The following IQCJ variants were observed in gnomAD, a reference collection of about 807,000 sequenced individuals.
The protein encoded by IQCJ is IQ domain-containing protein J.
A neutral mutation model predicts 11.0 loss-of-function variants in IQCJ; 9 were observed. The observed-to-expected ratio is 0.82, with a 90% confidence interval of 0.49 to 1.43. The LOEUF (loss-of-function observed/expected upper bound fraction) is 1.43. Among genes scored for constraint, IQCJ ranks in the 40% most tolerant of loss-of-function variants. IQCJ has a pLI of 0.00. For missense variants in IQCJ, 146 were observed against 133.2 expected (o/e 1.10, Z -0.47); for synonymous variants, 55 against 51.3 (o/e 1.07, Z -0.31).
At chr3:159,125,266 C>A (rs904131566) in intron 1 of IQCJ, among the ~76,000 whole-genome samples, 3 of 152,090 alleles carry the variant, frequency 2.0e-5, no homozygotes, top group Non-Finnish European at 4.4e-5. Flanking sequence ...TACAAAATAC[C>A]TGACCAGCAC....
intron 1 of IQCJ, among the ~76,000 whole-genome samples, chr3:159,104,673 A>T (rs989671284): frequency 1.3e-5 from 2 of 152,160 alleles, no homozygotes; most frequent in African/African-American, 4.8e-5. Context: ...TAGCCATGGA[A>T]TGTCTTCTCT....
intron 1 of IQCJ, among the ~76,000 whole-genome samples, chr3:159,085,464 C>G (rs1716680178): frequency 6.6e-6 from 1 of 151,674 alleles, no homozygotes; most frequent in African/African-American, 2.4e-5. Flanking sequence ...AATGGTATTT[C>G]TAGTTCTAGA....
At chr3:159,161,870 G>C (rs1411498132) in intron 1 of IQCJ, among the ~76,000 whole-genome samples, 1 of 152,154 alleles carries the variant, frequency 6.6e-6, no homozygotes, top group African/African-American at 2.4e-5. Context: ...TGAGGGCTCT[G>C]TTCTGTTCCA....
Position 159,096,178 on chromosome 3 carries a change from T to C in IQCJ, c.9+26737T>C, listed in dbSNP as rs1247535423. On this transcript the variant is annotated intron_variant, in intron 1 of 3. Coordinates refer to ENST00000397832, the MANE Select transcript of IQCJ (RefSeq NM_001042706.3). ...TAAATGTCTTCTTTTGAGAAGTGTCTGTTCATGTCCTTCGCCCACTTTTTG... is the reference window on the plus strand; with the variant it reads ...TAAATGTCTTCTTTTGAGAAGTGTCCGTTCATGTCCTTCGCCCACTTTTTG... Among the ~76,000 whole-genome samples, 66 of 110,078 alleles carry C rather than the reference T, an allele frequency of 6.0e-4. 2 individuals carry two copies. Among genetic ancestry groups the C allele is most frequent in the African/African-American group, 2.5e-3 (65 of 26,118 alleles). The allele number at this position is 110,078 out of a possible 152,430, so 72.2% of individuals were successfully genotyped here. A position where few individuals can be genotyped will look rare whatever the true frequency, so the allele number is the denominator to read the frequency against.
At chr3:159,137,881 G>A (rs1559999237) in intron 1 of IQCJ, among the ~76,000 whole-genome samples, 1 of 152,062 alleles carries the variant, frequency 6.6e-6, no homozygotes, top group Non-Finnish European at 1.5e-5. Context: ...AAAATAAATA[G>A]GAAAGGGATT....
At chr3:159,121,182 G>A (rs1289940636) in intron 1 of IQCJ, among the ~76,000 whole-genome samples, 1 of 149,788 alleles carries the variant, frequency 6.7e-6, no homozygotes, top group African/African-American at 2.5e-5. Context: ...TGCCCAGGCT[G>A]AAGTTCAGTG....
intron 1 of IQCJ, among the ~76,000 whole-genome samples, chr3:159,194,968 T>G (rs114971936): frequency 0.099 from 15,024 of 151,934 alleles, 2,494 homozygotes; most frequent in African/African-American, 0.35. Flanking sequence ...AAAATTAGCC[T>G]GGTGTGGTGG....
At chr3:159,080,194 G>A (rs2108056470) in intron 1 of IQCJ, among the ~76,000 whole-genome samples, 1 of 152,220 alleles carries the variant, frequency 6.6e-6, no homozygotes, top group Non-Finnish European at 1.5e-5. Context: ...TGGTAATCAT[G>A]ATCAGTAGAA....
chr3:159,186,521 G>A (rs984421399), intron 1 of IQCJ, among the ~76,000 whole-genome samples: 4 of 152,100 alleles, frequency 2.6e-5, no homozygotes, highest in Non-Finnish European at 4.4e-5. Context: ...TTATGCATCT[G>A]TTATTCAGAA....
chr3:159,131,336 T>C (rs894021326), intron 1 of IQCJ, among the ~76,000 whole-genome samples: 95 of 151,028 alleles, frequency 6.3e-4, no homozygotes, highest in African/African-American at 2.3e-3. Flanking sequence ...CCTCTCTACT[T>C]TTCTCCTTTT....
chr3:159,173,365 G>A (rs1722602668), intron 1 of IQCJ, among the ~76,000 whole-genome samples: 1 of 152,158 alleles, frequency 6.6e-6, no homozygotes, highest in Admixed American at 6.5e-5. Context: ...TATCTTCAAA[G>A]TGTTTTCTGT....
rs56371472 is a variant in IQCJ, at chr3:159,182,644, G to C, written c.10-63199G>C. On this transcript the variant is annotated intron_variant, in intron 1 of 3. Coordinates refer to ENST00000397832, the MANE Select transcript of IQCJ (RefSeq NM_001042706.3). ...TCGTGATCGATTGAGCAAGCAGGGGGTACGTGACTGGGGGCTGCATGCACC... is the reference window on the plus strand; with the variant it reads ...TCGTGATCGATTGAGCAAGCAGGGGCTACGTGACTGGGGGCTGCATGCACC... Among the ~76,000 whole-genome samples, 1,457 of 152,020 alleles carry C rather than the reference G, an allele frequency of 9.6e-3. 42 individuals are homozygous for C. The highest frequency in any genetic ancestry group is 0.034 in the African/African-American group (1,415 of 41,300).
chr3:159,137,973 C>A (rs558073777), intron 1 of IQCJ, among the ~76,000 whole-genome samples: 1 of 152,130 alleles, frequency 6.6e-6, no homozygotes, highest in Non-Finnish European at 1.5e-5. Flanking sequence ...ATGCAAATTA[C>A]AATGCTTACA....
At chr3:159,150,184 GGAAA>G (rs1237135325) in intron 1 of IQCJ, among the ~76,000 whole-genome samples, 1 of 152,140 alleles carries the variant, frequency 6.6e-6, no homozygotes. Flanking sequence ...GTAGTCTCTT[GGAAA>G]GTGATTCCAG....
chr3:159,113,613 A>C (rs1380285121), intron 1 of IQCJ, among the ~76,000 whole-genome samples: 2 of 152,208 alleles, frequency 1.3e-5, no homozygotes, highest in South Asian at 4.1e-4. Flanking sequence ...CAACACCTAC[A>C]ATGGGAAGTG....
At chr3:159,219,816 C>T (rs1222013160) in intron 1 of IQCJ, among the ~76,000 whole-genome samples, 3 of 152,218 alleles carry the variant, frequency 2.0e-5, no homozygotes, top group East Asian at 3.9e-4. Flanking sequence ...GGAAAGACCT[C>T]GTAACTTCCA....
At chr3:159,249,590 A>C (rs1303050247) in intron 2 of IQCJ, among the ~76,000 whole-genome samples, 1 of 152,206 alleles carries the variant, frequency 6.6e-6, no homozygotes, top group Non-Finnish European at 1.5e-5. Context: ...GGTCTGTTTC[A>C]GGTCAGGACT....
intron 1 of IQCJ, among the ~76,000 whole-genome samples, chr3:159,215,522 G>GA (rs1725176594): frequency 6.6e-6 from 1 of 152,070 alleles, no homozygotes; most frequent in African/African-American, 2.4e-5. Flanking sequence ...CATACAATGA[G>GA]AAAACCAGCA....
At chr3:159,226,163 T>C (rs1307425657) in intron 1 of IQCJ, among the ~76,000 whole-genome samples, 1 of 152,116 alleles carries the variant, frequency 6.6e-6, no homozygotes, top group Non-Finnish European at 1.5e-5. Flanking sequence ...GCAGGATGGA[T>C]TAAGTTATTG....
Sources: gnomAD v4.1 joint callset for allele counts (sites outside exome capture counted in the v4.1 genomes callset) on GRCh38, gnomAD v4.1.1 for gene constraint, MANE v1.5 for transcripts, NCBI Gene and HGNC (gene_info 2026-07-23, HGNC 2026-07-21) for gene names.